The following ADAM12 variants were observed in gnomAD, a reference collection of about 807,000 sequenced individuals.
ADAM12 encodes ADAM metallopeptidase domain 12.
ADAM12 carries 70 observed loss-of-function variants against 106.4 expected under a neutral mutation model. The observed-to-expected ratio is 0.66, with a 90% CI of 0.54 to 0.80. The LOEUF (loss-of-function observed/expected upper bound fraction) is 0.80. ADAM12 is among the 30% of genes least tolerant of loss of function. The probability of loss-of-function intolerance (pLI) is 0.00; values close to 1 mark genes in which losing one functional copy is unlikely to be tolerated. For missense variants in ADAM12, 1,010 were observed against 1,171.9 expected (o/e 0.86, Z 2.02); for synonymous variants, 420 against 433.5 (o/e 0.97, Z 0.39).
chr10:126,219,101 C>T (rs1958042271), intron 3 of ADAM12, among the ~76,000 whole-genome samples: 1 of 152,226 alleles, frequency 6.6e-6, no homozygotes, highest in African/African-American at 2.4e-5. Flanking sequence ...TCACAGGTCC[C>T]ATGCTTTGCT....
chr10:126,343,902 T>C (rs1855035673), intron 1 of ADAM12, among the ~76,000 whole-genome samples: 1 of 152,252 alleles, frequency 6.6e-6, no homozygotes, highest in South Asian at 2.1e-4. Flanking sequence ...TTTGAATTCT[T>C]TGTAGATTCT....
intron 22 of ADAM12, 93 bp downstream of exon 22, chr10:126,019,602 G>C (rs1590291107): frequency 6.6e-7 from 1 of 1,509,062 alleles, no homozygotes; most frequent in Non-Finnish European, 9.0e-7. Flanking sequence ...GCACGGCCTA[G>C]ACCACTGCAC....
chr10:126,353,066 A>G (rs1285305172), intron 1 of ADAM12, among the ~76,000 whole-genome samples: 5 of 152,178 alleles, frequency 3.3e-5, no homozygotes, highest in African/African-American at 4.8e-5. Context: ...CCTTCCTCCC[A>G]TTCGTGGAAC....
chr10:126,221,552 T>A (rs571306715), intron 3 of ADAM12, among the ~76,000 whole-genome samples: 1 of 152,322 alleles, frequency 6.6e-6, no homozygotes, highest in South Asian at 2.1e-4. Flanking sequence ...GAGCTTCTAC[T>A]TTTTTTATAT....
At chr10:126,121,525 T>C (rs1956115833) in intron 5 of ADAM12, among the ~76,000 whole-genome samples, 1 of 143,436 alleles carries the variant, frequency 7.0e-6, no homozygotes, top group Non-Finnish European at 1.5e-5. Context: ...ATATATTATA[T>C]AATTATATAA....
chr10:126,021,653 G>A (rs1021795965), intron 21 of ADAM12, among the ~76,000 whole-genome samples: 8 of 84,672 alleles, frequency 9.4e-5, no homozygotes, highest in African/African-American at 2.2e-4. Flanking sequence ...CCAAGAGCAC[G>A]GATTGTTTAT....
chr10:126,374,928 TCCA>T (rs1451836672), intron 1 of ADAM12, among the ~76,000 whole-genome samples: 2 of 151,244 alleles, frequency 1.3e-5, no homozygotes, highest in Non-Finnish European at 3.0e-5. Flanking sequence ...ACACACACAC[TCCA>T]CCACCACCAC....
intron 3 of ADAM12, among the ~76,000 whole-genome samples, chr10:126,253,898 C>T (rs1418057669): frequency 6.6e-6 from 1 of 152,228 alleles, no homozygotes; most frequent in African/African-American, 2.4e-5. Context: ...CACTGGCAGG[C>T]CTGCCATGCC....
chr10:126,148,407 C>T (rs1480637636), intron 4 of ADAM12, among the ~76,000 whole-genome samples: 2 of 152,144 alleles, frequency 1.3e-5, no homozygotes, highest in East Asian at 1.9e-4. Context: ...GTCCTCACCA[C>T]GAAAAACAAT....
intron 3 of ADAM12, among the ~76,000 whole-genome samples, chr10:126,186,176 C>T (rs1384935078): frequency 6.6e-6 from 1 of 152,186 alleles, no homozygotes; most frequent in Non-Finnish European, 1.5e-5. Flanking sequence ...CTGCTACCTT[C>T]TAACTGGACA....
chr10:126,338,100 A>G (rs890579497), intron 1 of ADAM12, among the ~76,000 whole-genome samples: 3 of 152,172 alleles, frequency 2.0e-5, no homozygotes, highest in Admixed American at 6.5e-5. Flanking sequence ...TTGAAATTCA[A>G]AGAAAGCTAG....
chr10:126,278,973 G>T lies in ADAM12; in HGVS notation c.202C>A (p.Leu68Met). 1 of 1,613,004 alleles carries T rather than the reference G, an allele frequency of 6.2e-7. No homozygotes were observed. The highest frequency in any genetic ancestry group is 8.5e-7 in the Non-Finnish European group (1 of 1,179,336). The change falls in exon 3 of 23, where the codon CTG becomes ATG. Residue 68 changes from leucine (L) to methionine (M), a missense_variant. Leu to Met is a conservative substitution (Grantham distance 15, BLOSUM62 2). Transcript: ENST00000448723. ...SFDSKNHPEV[L>M]NIRLQRESKE... ...CTTTCCCGTTGTAGTCGAATATTCAGCACTTCTGGATGATTCTGAAAGATA... is the reference window on the plus strand; with the variant it reads ...CTTTCCCGTTGTAGTCGAATATTCATCACTTCTGGATGATTCTGAAAGATA...
chr10:126,223,836 C>T (rs934733038), intron 3 of ADAM12, among the ~76,000 whole-genome samples: 1 of 152,214 alleles, frequency 6.6e-6, no homozygotes, highest in African/African-American at 2.4e-5. Flanking sequence ...TGAGTGCTTT[C>T]ATGCCTGGAC....
chr10:126,104,407 G>A (rs1047399804), intron 8 of ADAM12, among the ~76,000 whole-genome samples: 2 of 149,200 alleles, frequency 1.3e-5, no homozygotes, highest in South Asian at 2.1e-4. Flanking sequence ...CCAAGATGGC[G>A]CCATTGCACT....
intron 3 of ADAM12, among the ~76,000 whole-genome samples, chr10:126,194,923 G>A (rs977462796): frequency 6.6e-5 from 10 of 152,186 alleles, no homozygotes; most frequent in African/African-American, 2.2e-4. Context: ...GGCAGGCAAC[G>A]CTTGAATGCC....
At chr10:126,207,184 C>T (rs1298181767) in intron 3 of ADAM12, among the ~76,000 whole-genome samples, 1 of 152,108 alleles carries the variant, frequency 6.6e-6, no homozygotes, top group Admixed American at 6.5e-5. Flanking sequence ...TAGAAGTCAC[C>T]TCAGATGAGC....
chr10:126,117,759 G>GGGC (rs1554971261), intron 6 of ADAM12, among the ~76,000 whole-genome samples: 5 of 21,226 alleles, frequency 2.4e-4, no homozygotes, highest in Non-Finnish European at 4.1e-4. Flanking sequence ...GGTAGAAGTT[G>GGGC]GGGGGGCGTA....
intron 21 of ADAM12, among the ~76,000 whole-genome samples, chr10:126,029,916 C>T (rs1953944882): frequency 6.6e-6 from 1 of 152,154 alleles, no homozygotes; most frequent in Non-Finnish European, 1.5e-5. Flanking sequence ...TGAAACAGCT[C>T]CTTTAAAGGC....
At chr10:126,215,551 G>T (rs899761066) in intron 3 of ADAM12, among the ~76,000 whole-genome samples, 1 of 152,124 alleles carries the variant, frequency 6.6e-6, no homozygotes, top group South Asian at 2.1e-4. Context: ...CCAAGGACTA[G>T]GCCATTAGGA....
Sources: allele counts gnomAD v4.1 joint callset (sites outside exome capture counted in the v4.1 genomes callset), GRCh38; gene constraint gnomAD v4.1.1; transcripts MANE v1.5; gene names NCBI Gene and HGNC (gene_info 2026-07-23, HGNC 2026-07-21).